VLDLR: variants seen among roughly 807,000 people sequenced by gnomAD.
The protein encoded by VLDLR is very low-density lipoprotein receptor.
Under a neutral mutation model 112.7 loss-of-function variants are expected in VLDLR, and 81 were observed. The observed-to-expected ratio is 0.72, with a 90% CI of 0.60 to 0.86. VLDLR has a LOEUF of 0.86. Ranked by LOEUF, VLDLR falls within the 40% of genes least tolerant of loss-of-function variation. The probability of loss-of-function intolerance (pLI) is 0.00; values close to 1 mark genes in which losing one functional copy is unlikely to be tolerated. For missense variants in VLDLR, 1,237 were observed against 1,099.4 expected, an observed-to-expected ratio of 1.13 and a Z score of -1.77; for synonymous variants, 436 against 384.8, an observed-to-expected ratio of 1.13 and a Z score of -1.56.
Position 2,643,869 on chromosome 9 carries a change from T to C in VLDLR, c.976T>C (p.Cys326Arg). Residue 326 changes from cysteine to arginine, a missense_variant, in exon 7 of 19, where the codon TGC (cysteine) becomes CGC (arginine). By Grantham distance (180) the Cys-to-Arg change is radical (BLOSUM62 -3). Transcript: ENST00000382100. ...GTGCTTGGGCCCTGGAAAATTCAAGTGCAGAAGTGGAGAATGCATAGATAT... is the reference window on the plus strand; with the variant it reads ...GTGCTTGGGCCCTGGAAAATTCAAGCGCAGAAGTGGAGAATGCATAGATAT... ...NQCLGPGKFK[C>R]RSGECIDISK... The C allele has an allele frequency of 1.2e-6, 2 of 1,614,148 alleles. No individual in the cohort carries two copies. The highest frequency in any genetic ancestry group is 8.5e-7 in the Non-Finnish European group (1 of 1,180,040).
rs1462642709 is a variant in VLDLR, at chr9:2,656,687, C to T, written c.*2819C>T. On this transcript the variant is annotated 3_prime_UTR_variant, in exon 19 of 19. Coordinates refer to ENST00000382100, the MANE Select transcript of VLDLR (RefSeq NM_003383.5). ...TATTTGGAGTTAGATGAGCCTGTCA[C>T]ACAAAGTGAAAGTGGACCCTCCAGA... 1 of 151,992 alleles carries T rather than the reference C, an allele frequency of 6.6e-6. No homozygotes were observed. Among genetic ancestry groups the T allele is most frequent in the African/African-American group, 2.4e-5 (1 of 41,412 alleles). 9.4% of individuals were successfully genotyped at this position (151,992 alleles called of 1,614,324 possible). A position where few individuals can be genotyped will look rare whatever the true frequency, so the allele number is the denominator to read the frequency against.
Position 2,639,935 on chromosome 9 carries a change from A to G in VLDLR, c.279A>G (p.Gly93=). The stretch of plus-strand genomic sequence containing the variant: ...TTCCCAGCCGATGGAAGTGTGATGG[A>G]GATCCTGACTGCGAAGATGGTTCAG... The part of the protein sequence containing the change: ...QCVPSRWKCD[G]DPDCEDGSDE... The change falls in exon 3 of 19, where the codon GGA becomes GGG. Residue 93 remains glycine, a synonymous_variant. Coordinates refer to ENST00000382100, the MANE Select transcript of VLDLR (RefSeq NM_003383.5). 1 of 1,614,248 alleles carries G rather than the reference A, an allele frequency of 6.2e-7. No homozygotes were observed. The highest frequency in any genetic ancestry group is 1.1e-5 in the South Asian group (1 of 91,084).
intron 2 of VLDLR, among the ~76,000 whole-genome samples, chr9:2,636,067 A>C (rs1817590296): frequency 6.6e-6 from 1 of 152,206 alleles, no homozygotes; most frequent in African/African-American, 2.4e-5. Flanking sequence ...AATAGTTGCT[A>C]ATTCTAAAGC....
chr9:2,651,437 C>G lies in VLDLR; in HGVS notation c.2274C>G (p.Tyr758Ter), dbSNP rs752411726. ...CAGGTACTGCAACTACTGTGACTTA[C>G]AGTGAGACAAAAGATACGAACACAA... ...DCQSTATTVT[Y>*]SETKDTNTTE... The change falls in exon 16 of 19, where the codon TAC (tyrosine) becomes TAG (stop). Residue 758 changes from tyrosine (Y) to a stop codon, truncating the protein, a stop_gained. Transcript: ENST00000382100. LOFTEE classifies it high-confidence loss of function. The G allele has an allele frequency of 6.2e-7, 1 of 1,613,934 alleles. No homozygotes were observed. The highest frequency in any genetic ancestry group is 8.5e-7 in the Non-Finnish European group (1 of 1,179,930).
intron 2 of VLDLR, among the ~76,000 whole-genome samples, chr9:2,637,670 G>A (rs948561227): frequency 4.6e-5 from 7 of 152,140 alleles, no homozygotes; most frequent in African/African-American, 1.4e-4. Flanking sequence ...GGCCGGGTGC[G>A]GTGGCTCACG....
Position 2,629,523 on chromosome 9 carries a change from C to T in VLDLR, c.83-5930C>T, listed in dbSNP as rs74847139. On this transcript the variant is annotated intron_variant, in intron 1 of 18. Transcript: ENST00000382100. ...AAGTGACTGTACTTTCCTTCTCTAC[C>T]AGGTTTCCTGATCTGTAAAAGAGGA... is the stretch of plus-strand genomic sequence containing the variant. Among the ~76,000 whole-genome samples the T allele has an allele frequency of 6.2e-4, 95 of 152,274 alleles. 2 individuals carry two copies. The East Asian group carries it at 0.011, about 18-fold the overall frequency.
chr9:2,642,349 T>C (rs1817868551), intron 4 of VLDLR, among the ~76,000 whole-genome samples: 1 of 152,142 alleles, frequency 6.6e-6, no homozygotes, highest in African/African-American at 2.4e-5. Context: ...AGAAGTCGCC[T>C]CCTGAGGTCA....
intron 7 of VLDLR, among the ~76,000 whole-genome samples, 193 bp downstream of exon 7, chr9:2,644,152 TG>T (rs1817952503): frequency 2.1e-5 from 3 of 142,128 alleles, no homozygotes; most frequent in African/African-American, 8.4e-5. Flanking sequence ...TTGTTTTTGT[TG>T]TTTTTTTTTT....
intron 2 of VLDLR, among the ~76,000 whole-genome samples, chr9:2,638,830 T>C (rs187465878): frequency 6.6e-6 from 1 of 152,370 alleles, no homozygotes; most frequent in Non-Finnish European, 1.5e-5. Flanking sequence ...CAGGCAGTTA[T>C]GGATATTAGC....
At position 2,645,673 on chromosome 9, in the gene VLDLR, C is replaced by T; in HGVS notation, c.1412C>T (p.Thr471Ile). The change falls in exon 10 of 19, where the codon ACT becomes ATT. Residue 471 changes from threonine to isoleucine, a missense_variant. By Grantham distance (89) the Thr-to-Ile change is moderately conservative. Transcript: ENST00000382100. ...CAACTAGTTGAACAGCTAAGAAACA[C>T]TGTGGCTCTCGATGCTGACATTGCT... ...YIQLVEQLRN[T>I]VALDADIAAQ... 2 of 1,614,214 alleles carry T rather than the reference C, an allele frequency of 1.2e-6. No homozygotes were observed. The highest frequency in any genetic ancestry group is 1.7e-6 in the Non-Finnish European group (2 of 1,180,038).
rs762828921 is a variant in VLDLR, at chr9:2,651,443, G to A, written c.2280G>A (p.Glu760=). 1 of 1,613,886 alleles carries A rather than the reference G, an allele frequency of 6.2e-7. No homozygotes were observed. Among genetic ancestry groups the A allele is most frequent in the Non-Finnish European group, 8.5e-7 (1 of 1,179,972 alleles). ...QSTATTVTYS[E]TKDTNTTEIS... ...CTGCAACTACTGTGACTTACAGTGA[G>A]ACAAAAGATACGAACACAACAGAAA... Residue 760 remains glutamate (E), a synonymous_variant, in exon 16 of 19, where the codon GAG becomes GAA. Coordinates refer to ENST00000382100, the MANE Select transcript of VLDLR (RefSeq NM_003383.5).
intron 3 of VLDLR, among the ~76,000 whole-genome samples, chr9:2,640,187 C>G (rs1817765918): frequency 6.6e-6 from 1 of 152,234 alleles, no homozygotes; most frequent in Non-Finnish European, 1.5e-5. Flanking sequence ...GACTGACATT[C>G]TCTTGGGTAG....
At chr9:2,652,692 A>G in intron 17 of VLDLR, 88 bp from the exon 18 acceptor site, 1 of 1,552,660 alleles carries the variant, frequency 6.4e-7, no homozygotes. Context: ...ACTAATGTCA[A>G]TTATTATGGA....
Position 2,637,680 on chromosome 9 carries a change from G to A in VLDLR, c.202+2108G>A, listed in dbSNP as rs189469624. On this transcript the variant is annotated intron_variant, in intron 2 of 18. Transcript: ENST00000382100. ...TGGAGGGCCGGGTGCGGTGGCTCACGCCTATAATCCCAGCACTTTGGGCGG... is the reference window on the plus strand; with the variant it reads ...TGGAGGGCCGGGTGCGGTGGCTCACACCTATAATCCCAGCACTTTGGGCGG... 1.1e-4 allele frequency among the ~76,000 whole-genome samples: 17 copies of A among 152,236 alleles called. No individual in the cohort carries two copies. In the East Asian group the frequency reaches 3.3e-3, roughly 29 times the overall value.
At chr9:2,645,843 C>A in intron 10 of VLDLR, 98 bp downstream of exon 10, 3 of 1,424,140 alleles carry the variant, frequency 2.1e-6, no homozygotes, top group East Asian at 2.3e-5. Context: ...TGTGTCTAGC[C>A]CCATCTAGCA....
rs748426320 is a variant in VLDLR at position 2,651,472 on chromosome 9, C to T, written c.2309C>T (p.Ser770Leu). The T allele has an allele frequency of 3.7e-6, 6 of 1,613,974 alleles. No homozygotes were observed. The highest frequency in any genetic ancestry group is 5.1e-6 in the Non-Finnish European group (6 of 1,179,938). The change falls in exon 16 of 19, where the codon TCA becomes TTA. Residue 770 changes from serine to leucine, a missense_variant. By Grantham distance (145) the Ser-to-Leu change is moderately radical. Coordinates refer to ENST00000382100, the MANE Select transcript of VLDLR (RefSeq NM_003383.5). ...ETKDTNTTEI[S>L]ATSGLVPGGI... ...AAAGATACGAACACAACAGAAATTT[C>T]AGCAACTAGTGGACTAGTTCCTGGA...
intron 1 of VLDLR, among the ~76,000 whole-genome samples, chr9:2,629,176 G>T (rs1366411351): frequency 6.6e-6 from 1 of 152,252 alleles, no homozygotes; most frequent in Non-Finnish European, 1.5e-5. Flanking sequence ...GTTTTAACAA[G>T]CCTTCCTGGG....
At chr9:2,637,423 A>G (rs2130781614) in intron 2 of VLDLR, among the ~76,000 whole-genome samples, 1 of 152,312 alleles carries the variant, frequency 6.6e-6, no homozygotes, top group East Asian at 1.9e-4. Context: ...TCAGCAACCT[A>G]AGTACTCTAA....
chr9:2,647,302 C>G (rs1303027464), intron 11 of VLDLR, among the ~76,000 whole-genome samples, 172 bp from the exon 12 acceptor site: 1 of 152,210 alleles, frequency 6.6e-6, no homozygotes, highest in African/African-American at 2.4e-5. Flanking sequence ...CTTGTAGATT[C>G]TTAATATTCA....
Sources: allele counts gnomAD v4.1 joint callset (sites outside exome capture counted in the v4.1 genomes callset), GRCh38; gene constraint gnomAD v4.1.1; transcripts MANE v1.5; gene names NCBI Gene and HGNC (gene_info 2026-07-23, HGNC 2026-07-21).